Variants in CERS6 observed in about 807,000 individuals in gnomAD.
The protein encoded by CERS6 is LAG1 homolog, ceramide synthase 6.
A neutral mutation model predicts 56.8 loss-of-function variants in CERS6; 26 were observed. That is an observed-to-expected ratio of 0.46 (90% confidence interval 0.34 to 0.63). CERS6 has a LOEUF of 0.63. CERS6 is among the 30% of genes least tolerant of loss of function. CERS6 has a pLI of 0.01. For missense variants in CERS6, 415 were observed against 467.5 expected, an observed-to-expected ratio of 0.89 and a Z score of 1.04; for synonymous variants, 164 against 173.3, an observed-to-expected ratio of 0.95 and a Z score of 0.42.
At chr2:168,671,776 C>A (rs188406214) in intron 4 of CERS6, among the ~76,000 whole-genome samples, 1 of 152,160 alleles carries the variant, frequency 6.6e-6, no homozygotes, top group Non-Finnish European at 1.5e-5. Context: ...TAAATTGATA[C>A]ATTTTCACCC....
At position 168,767,770 on chromosome 2, in the gene CERS6, A is replaced by C. The variant is rs1008502443; in HGVS notation, c.1003-1740A>C. 2.6e-4 allele frequency among the ~76,000 whole-genome samples: 40 copies of C among 152,298 alleles called. 1 individual carries two copies. Among genetic ancestry groups the C allele is most frequent in the African/African-American group, 9.6e-4 (40 of 41,564 alleles). ...ATTCTCATGTTAGAGTGTAGTGGTA[A>C]CATAGACAGGATGTGATGTGGGAAA... is the stretch of plus-strand genomic sequence containing the variant. On this transcript the variant is annotated intron_variant, in intron 9 of 9. Coordinates refer to ENST00000305747, the MANE Select transcript of CERS6 (RefSeq NM_203463.3).
chr2:168,502,050 G>GA (rs1694589740), intron 1 of CERS6, among the ~76,000 whole-genome samples: 2 of 151,780 alleles, frequency 1.3e-5, no homozygotes, highest in African/African-American at 4.9e-5. Flanking sequence ...AATTGGCCTG[G>GA]AGGGGGCTTT....
intron 8 of CERS6, among the ~76,000 whole-genome samples, chr2:168,753,286 G>A (rs993970664): frequency 2.0e-5 from 3 of 152,134 alleles, no homozygotes; most frequent in African/African-American, 4.8e-5. Context: ...CACAGCCATC[G>A]TATTCTATAG....
At chr2:168,561,142 T>G in intron 2 of CERS6, 50 bp from the exon 3 acceptor site, 1 of 1,603,102 alleles carries the variant, frequency 6.2e-7, no homozygotes, top group Admixed American at 1.7e-5. Flanking sequence ...CTGTTTATAG[T>G]GAAAATGAAA....
At chr2:168,618,055 C>T (rs1288997340) in intron 3 of CERS6, among the ~76,000 whole-genome samples, 1 of 152,192 alleles carries the variant, frequency 6.6e-6, no homozygotes, top group South Asian at 2.1e-4. Flanking sequence ...AGTTTCATAC[C>T]AGGGATACAG....
At chr2:168,615,573 G>C (rs1355938462) in intron 3 of CERS6, among the ~76,000 whole-genome samples, 1 of 148,668 alleles carries the variant, frequency 6.7e-6, no homozygotes, top group South Asian at 2.2e-4. Flanking sequence ...AATGCAAAAT[G>C]CTCTGGAAAG....
At chr2:168,598,835 G>A (rs917178165) in intron 3 of CERS6, among the ~76,000 whole-genome samples, 39 of 152,096 alleles carry the variant, frequency 2.6e-4, no homozygotes, top group African/African-American at 7.0e-4. Flanking sequence ...TTTAGAATCT[G>A]GTAAGTTTGG....
intron 4 of CERS6, among the ~76,000 whole-genome samples, chr2:168,652,339 G>A (rs1481560374): frequency 6.6e-6 from 1 of 152,028 alleles, no homozygotes; most frequent in Non-Finnish European, 1.5e-5. Context: ...CTAATGATAG[G>A]AACAAGTTTA....
intron 3 of CERS6, among the ~76,000 whole-genome samples, chr2:168,600,243 C>T (rs1683902408): frequency 1.3e-5 from 2 of 149,386 alleles, no homozygotes; most frequent in South Asian, 2.1e-4. Context: ...CTGGCTCTGT[C>T]GCCCAGGCTG....
At chr2:168,530,354 A>G (rs1695144518) in intron 1 of CERS6, among the ~76,000 whole-genome samples, 1 of 152,218 alleles carries the variant, frequency 6.6e-6, no homozygotes, top group Non-Finnish European at 1.5e-5. Context: ...CTCAGACATT[A>G]CAGATTCCCA....
intron 3 of CERS6, among the ~76,000 whole-genome samples, chr2:168,579,429 C>T (rs751708670): frequency 1.3e-5 from 2 of 152,114 alleles, no homozygotes; most frequent in Admixed American, 6.5e-5. Flanking sequence ...CTTAGTTCTC[C>T]ATGGCCTCAA....
At chr2:168,634,083 A>G (rs1684808842) in intron 4 of CERS6, among the ~76,000 whole-genome samples, 1 of 152,138 alleles carries the variant, frequency 6.6e-6, no homozygotes, top group Non-Finnish European at 1.5e-5. Context: ...CACCTATTCT[A>G]CCCTAAAAAA....
At chr2:168,634,682 G>A (rs1366125224) in intron 4 of CERS6, among the ~76,000 whole-genome samples, 1 of 152,106 alleles carries the variant, frequency 6.6e-6, no homozygotes, top group Non-Finnish European at 1.5e-5. Context: ...CAAAGTGCTG[G>A]GATTATAGGT....
intron 3 of CERS6, among the ~76,000 whole-genome samples, chr2:168,569,729 A>G (rs555614437): frequency 4.6e-5 from 7 of 152,268 alleles, no homozygotes; most frequent in African/African-American, 1.7e-4. Flanking sequence ...ATGGTGGTGA[A>G]GGCAGTGGGC....
chr2:168,678,574 G>A (rs140851828), intron 4 of CERS6, among the ~76,000 whole-genome samples: 55 of 152,284 alleles, frequency 3.6e-4, no homozygotes, highest in African/African-American at 1.3e-3. Context: ...ATGTAGGAAT[G>A]AGAAGACCTG....
chr2:168,704,544 C>A lies in CERS6; in HGVS notation c.609+9493C>A, dbSNP rs554329744. On this transcript the variant is annotated intron_variant, in intron 6 of 9. Coordinates refer to ENST00000305747, the MANE Select transcript of CERS6 (RefSeq NM_203463.3). ...TAAACAAACCCGTTCATCTGTCCTTCCCTTTGGCCTCCTGAAAAGAGGCAC... is the reference window on the plus strand; with the variant it reads ...TAAACAAACCCGTTCATCTGTCCTTACCTTTGGCCTCCTGAAAAGAGGCAC... Among the ~76,000 whole-genome samples, 5 of 152,260 alleles carry A rather than the reference C, an allele frequency of 3.3e-5. No individual in the cohort carries two copies. In the East Asian group the frequency reaches 9.7e-4, roughly 29 times the overall value.
At chr2:168,571,102 A>T (rs933794398) in intron 3 of CERS6, among the ~76,000 whole-genome samples, 2 of 152,184 alleles carry the variant, frequency 1.3e-5, no homozygotes, top group African/African-American at 4.8e-5. Context: ...CAAGAGAATT[A>T]CATTTTAGAT....
intron 1 of CERS6, among the ~76,000 whole-genome samples, chr2:168,539,863 ATG>A (rs1695335760): frequency 6.6e-6 from 1 of 152,270 alleles, no homozygotes; most frequent in African/African-American, 2.4e-5. Flanking sequence ...GTGTGGGAAT[ATG>A]TTATTTCTCA....
chr2:168,745,432 G>A (rs1425714474), intron 8 of CERS6, among the ~76,000 whole-genome samples: 1 of 151,954 alleles, frequency 6.6e-6, no homozygotes, highest in African/African-American at 2.4e-5. Flanking sequence ...TAGTAGAGAC[G>A]GGGTTTCACC....
Sources: gnomAD v4.1 joint callset for allele counts (sites outside exome capture counted in the v4.1 genomes callset) on GRCh38, gnomAD v4.1.1 for gene constraint, MANE v1.5 for transcripts, NCBI Gene and HGNC (gene_info 2026-07-23, HGNC 2026-07-21) for gene names.